Variants in COQ6 observed in about 807,000 individuals in gnomAD.
The protein encoded by COQ6 is coenzyme Q6, monooxygenase, also known as ubiquinone biosynthesis monooxygenase COQ6, mitochondrial.
A neutral mutation model predicts 55.5 loss-of-function variants in COQ6; 45 were observed. That is an observed-to-expected ratio of 0.81 (90% CI 0.64 to 1.04). The LOEUF (loss-of-function observed/expected upper bound fraction) is 1.04. COQ6 is among the 50% of genes least tolerant of loss of function. The pLI is 0.00. For missense variants in COQ6, 550 were observed against 601.3 expected, an observed-to-expected ratio of 0.91 and a Z score of 0.89; for synonymous variants, 206 against 230.5, an observed-to-expected ratio of 0.89 and a Z score of 0.96.
chr14:73,950,208 C>G, upstream of COQ6: 1 of 1,544,488 alleles, frequency 6.5e-7, no homozygotes, highest in African/African-American at 1.4e-5. Context: ...CCTATTTTCT[C>G]CGCGCATTTT....
Position 73,953,411 on chromosome 14 carries a change from TGATATAAA to T in COQ6, c.164-23_164-16del, listed in dbSNP as rs778985097. On this transcript the variant is annotated splice_polypyrimidine_tract_variant and intron_variant, in intron 1 of 11. Coordinates refer to ENST00000334571, the MANE Select transcript of COQ6 (RefSeq NM_182476.3). ...AAGGAAATTCTTGATTTTCCTAAGA[TGATATAAA>T]TTTTCTTTTTTTAAGGATATGATAT... 8.2e-6 allele frequency: 13 copies of T among 1,589,312 alleles called. No individual in the cohort carries two copies. The East Asian group carries it at 2.5e-4, about 30-fold the overall frequency.
chr14:73,953,504 A>C lies in COQ6; in HGVS notation c.233A>C (p.Lys78Thr). ...GCAGGTCCAAAGAAAGTACTGGAGA[A>C]ATTGTCAGAAACTTACAGCAACAGG... ...LEAGPKKVLEKLSETYSNRVS... is the reference protein window; with the variant it reads ...LEAGPKKVLETLSETYSNRVS... The change falls in exon 2 of 12, where the codon AAA becomes ACA. Residue 78 changes from lysine (K) to threonine (T), a missense_variant. By Grantham distance (78) the Lys-to-Thr change is moderately conservative. Coordinates refer to ENST00000334571, the MANE Select transcript of COQ6 (RefSeq NM_182476.3). 1 of 1,614,186 alleles carries C rather than the reference A, an allele frequency of 6.2e-7. No homozygotes were observed. Among genetic ancestry groups the C allele is most frequent in the Non-Finnish European group, 8.5e-7 (1 of 1,180,018 alleles).
At chr14:73,954,843 CA>C (rs1216623718) in intron 2 of COQ6, among the ~76,000 whole-genome samples, 7,585 of 56,214 alleles carry the variant, frequency 0.13, 335 homozygotes, top group South Asian at 0.39. Context: ...GATTCCGTCT[CA>C]AAAAAAAAAA....
Position 73,962,148 on chromosome 14 carries a change from A to G in COQ6, c.1377+245A>G, listed in dbSNP as rs12880050. 0.11 allele frequency among the ~76,000 whole-genome samples: 17,174 copies of G among 151,628 alleles called. 1,264 individuals carry two copies. The highest frequency in any genetic ancestry group is 0.19 in the Admixed American group (2,938 of 15,202). On this transcript the variant is annotated intron_variant, in intron 11 of 11. Coordinates refer to ENST00000334571, the MANE Select transcript of COQ6 (RefSeq NM_182476.3). ...TTTTTAGTAGAGATGGGGTTTCACC[A>G]TGTTGGCCAAGCTGGTCTTGAACTC...
At chr14:73,955,242 C>G (rs1322391167) in intron 2 of COQ6, 1 of 607,616 alleles carries the variant, frequency 1.6e-6, no homozygotes, top group African/African-American at 1.8e-5. Flanking sequence ...CATGAGCCAC[C>G]GCGCCCGGCA....
chr14:73,959,864 C>T, intron 8 of COQ6: 1 of 1,263,556 alleles, frequency 7.9e-7, no homozygotes, highest in Non-Finnish European at 1.0e-6. Context: ...GCCACTGCAC[C>T]CAGCCAGAAA....
At position 73,951,649 on chromosome 14, in the gene COQ6, A is replaced by ATTT. The variant is rs35049412; in HGVS notation, c.163+1168_163+1170dup. 9.4e-4 allele frequency among the ~76,000 whole-genome samples: 128 copies of ATTT among 135,694 alleles called. 1 individual carries two copies. The highest frequency in any genetic ancestry group is 1.6e-3 in the South Asian group (7 of 4,330). 89.0% of individuals were successfully genotyped at this position (135,694 alleles called of 152,430 possible). On this transcript the variant is annotated intron_variant, in intron 1 of 11. Transcript: ENST00000334571. The stretch of plus-strand genomic sequence containing the variant: ...CCCATTATGAGATTTTTTTTTTGTG[A>ATTT]TTTTTTTTTTTTTTTTAGCTCATCA...
chr14:73,962,097 AC>A (rs1243161422), intron 11 of COQ6, among the ~76,000 whole-genome samples, 194 bp downstream of exon 11: 1 of 151,552 alleles, frequency 6.6e-6, no homozygotes, highest in Non-Finnish European at 1.5e-5. Context: ...ACAGGCGCCC[AC>A]CACCACACCC....
chr14:73,950,223 C>A, upstream of COQ6: 1 of 1,539,994 alleles, frequency 6.5e-7, no homozygotes, highest in South Asian at 1.2e-5. Context: ...CATTTTATTT[C>A]CGGTTCTGAG....
chr14:73,962,434 C>A (rs7147229), intron 11 of COQ6, among the ~76,000 whole-genome samples: 2 of 151,524 alleles, frequency 1.3e-5, no homozygotes, highest in Non-Finnish European at 2.9e-5. Context: ...TGGCACATGC[C>A]TGTAGTCCTA....
Position 73,950,378 on chromosome 14 carries a change from C to A in COQ6, c.46C>A (p.Pro16Thr). The change falls in exon 1 of 12, where the codon CCC becomes ACC. Residue 16 changes from proline (P) to threonine (T), a missense_variant. Physicochemically the swap from Pro to Thr is conservative, Grantham distance 38. Coordinates refer to ENST00000334571, the MANE Select transcript of COQ6 (RefSeq NM_182476.3). ...VSRCGAVRAAPHSGPLVSWRR... is the reference protein window; with the variant it reads ...VSRCGAVRAATHSGPLVSWRR... ...CCGATGCGGGGCTGTGCGTGCAGCT[C>A]CCCACAGCGGCCCGCTGGTGTCCTG... 6.4e-7 allele frequency: 1 copy of A among 1,568,424 alleles called. No individual in the cohort carries two copies.
At chr14:73,958,538 T>C (rs1260996926) in intron 5 of COQ6, 2 of 1,321,476 alleles carry the variant, frequency 1.5e-6, no homozygotes, top group Non-Finnish European at 9.7e-7. Context: ...GTGTTGGGAA[T>C]GGAGGCTGTT....
At position 73,953,343 on chromosome 14, in the gene COQ6, T is replaced by C. The variant is rs533484346; in HGVS notation, c.164-92T>C. ...TGTTCTCTGTAAGAAATTCATATTC[T>C]AAGGGTTAAGTGGTTACTCTGTTGT... On this transcript the variant is annotated intron_variant, in intron 1 of 11. Transcript: ENST00000334571. The C allele has an allele frequency of 1.5e-5, 17 of 1,110,514 alleles. No individual in the cohort carries two copies. The South Asian group carries it at 2.2e-4, about 14-fold the overall frequency. The allele number at this position is 1,110,514 out of a possible 1,614,324, so 68.8% of individuals were successfully genotyped here. A position where few individuals can be genotyped will look rare whatever the true frequency, so the allele number is the denominator to read the frequency against.
At chr14:73,958,717 A>G in intron 5 of COQ6, 10 of 1,393,122 alleles carry the variant, frequency 7.2e-6, no homozygotes, top group South Asian at 1.5e-5. Flanking sequence ...TCTAGTTCAA[A>G]TATCAGGAGG....
Position 73,959,434 on chromosome 14 carries a change from C to T in COQ6, c.803C>T (p.Ser268Phe). The T allele has an allele frequency of 6.2e-7, 1 of 1,614,168 alleles. No individual in the cohort carries two copies. Among genetic ancestry groups the T allele is most frequent in the Non-Finnish European group, 8.5e-7 (1 of 1,180,034 alleles). Residue 268 changes from serine (S) to phenylalanine (F), a missense_variant, in exon 8 of 12, where the codon TCC (serine) becomes TTC (phenylalanine). Ser to Phe is a radical substitution (Grantham distance 155). Coordinates refer to ENST00000334571, the MANE Select transcript of COQ6 (RefSeq NM_182476.3). ...ALLPLSDTLS[S>F]LVWSTSHEHA... The stretch of plus-strand genomic sequence containing the variant: ...ACACAGCTCTCAGACACCTTGAGTT[C>T]CTTGGTTTGGTCCACGTCCCATGAA...
chr14:73,955,407 G>A (rs768168521), intron 2 of COQ6, 44 bp from the exon 3 acceptor site: 2 of 1,507,314 alleles, frequency 1.3e-6, no homozygotes, highest in Admixed American at 1.7e-5. Context: ...GGGAGCCCAG[G>A]TCCTTGTGAA....
intron 1 of COQ6, 61 bp downstream of exon 1, chr14:73,950,556 C>T: frequency 3.2e-6 from 5 of 1,544,700 alleles, no homozygotes; most frequent in Non-Finnish European, 3.5e-6. Flanking sequence ...CGATGAGAGC[C>T]GTGAGAGCCC....
At chr14:73,956,586 G>A (rs901791626) in intron 4 of COQ6, 1 of 152,408 alleles carries the variant, frequency 6.6e-6, no homozygotes, top group African/African-American at 2.4e-5. Context: ...CATTGTAGTA[G>A]TGGTTGCATT....
chr14:73,950,435 G>A lies in COQ6; in HGVS notation c.103G>A (p.Val35Met), dbSNP rs758235682. The change falls in exon 1 of 12, where the codon GTG (valine) becomes ATG (methionine). Residue 35 changes from valine to methionine, a missense_variant. Coordinates refer to ENST00000334571, the MANE Select transcript of COQ6 (RefSeq NM_182476.3). ...GTGGTCCGGCGCCTCAACAGACACCGTGTATGACGTGGTGGTGTCGGGTGG... is the reference window on the plus strand; with the variant it reads ...GTGGTCCGGCGCCTCAACAGACACCATGTATGACGTGGTGGTGTCGGGTGG... ...RRWSGASTDT[V>M]YDVVVSGGGL... The A allele has an allele frequency of 2.5e-6, 4 of 1,608,126 alleles. No homozygotes were observed. The highest frequency in any genetic ancestry group is 3.4e-6 in the Non-Finnish European group (4 of 1,177,666).
Sources: gnomAD v4.1 joint callset for allele counts (sites outside exome capture counted in the v4.1 genomes callset) on GRCh38, gnomAD v4.1.1 for gene constraint, MANE v1.5 for transcripts, NCBI Gene and HGNC (gene_info 2026-07-23, HGNC 2026-07-21) for gene names.